PDE4B: variants seen among roughly 807,000 people sequenced by gnomAD.
PDE4B encodes 3',5'-cyclic-AMP phosphodiesterase 4B.
PDE4B carries 20 observed loss-of-function variants against 82.2 expected under a neutral mutation model. The observed-to-expected ratio is 0.24, with a 90% CI of 0.17 to 0.35. The LOEUF (loss-of-function observed/expected upper bound fraction) is 0.35. PDE4B is among the 10% of genes least tolerant of loss of function. The probability of loss-of-function intolerance (pLI) is 1.00; values close to 1 mark genes in which losing one functional copy is unlikely to be tolerated. For missense variants in PDE4B, 655 were observed against 907.2 expected, an observed-to-expected ratio of 0.72 and a Z score of 3.57; for synonymous variants, 320 against 318.9, an observed-to-expected ratio of 1.00 and a Z score of -0.04.
intron 1 of PDE4B, among the ~76,000 whole-genome samples, chr1:65,878,395 G>A (rs935333684): frequency 4.6e-5 from 7 of 152,150 alleles, no homozygotes; most frequent in Non-Finnish European, 7.3e-5. Flanking sequence ...GTACCCAAAG[G>A]ATTATATATC....
At chr1:66,198,037 C>G (rs1472718413) in intron 3 of PDE4B, among the ~76,000 whole-genome samples, 1 of 152,110 alleles carries the variant, frequency 6.6e-6, no homozygotes, top group Non-Finnish European at 1.5e-5. Flanking sequence ...TCCATGACTG[C>G]TACAAGTAAG....
At position 66,188,799 on chromosome 1, in the gene PDE4B, C is replaced by G. The variant is rs188090060; in HGVS notation, c.282-58661C>G. Among the ~76,000 whole-genome samples, 584 of 152,138 alleles carry G rather than the reference C, an allele frequency of 3.8e-3. 2 individuals are homozygous for G. Among genetic ancestry groups the G allele is most frequent in the African/African-American group, 0.013 (548 of 41,514 alleles). ...TTGACTGTTTATCCAATTTGCCAGT[C>G]TGTGTCTTTTAATTGGAGCATTTAG... On this transcript the variant is annotated intron_variant, in intron 3 of 16. Coordinates refer to ENST00000341517, the MANE Select transcript of PDE4B (RefSeq NM_002600.4).
chr1:66,147,895 G>C (rs1646307775), intron 3 of PDE4B, among the ~76,000 whole-genome samples: 2 of 152,140 alleles, frequency 1.3e-5, no homozygotes, highest in Admixed American at 1.3e-4. Context: ...ACCCTACCAA[G>C]TCTTGCAAAA....
rs7555916 is a variant in PDE4B at position 66,314,806 on chromosome 1, C to T, written c.635-17702C>T. On this transcript the variant is annotated intron_variant, in intron 7 of 16. Coordinates refer to ENST00000341517, the MANE Select transcript of PDE4B (RefSeq NM_002600.4). ...GCCATGCCATTCCGCGTATGGTTAC[C>T]GTTGCCTGGCTTGTAATTCAGCTTA... Among the ~76,000 whole-genome samples, 820 of 152,300 alleles carry T rather than the reference C, an allele frequency of 5.4e-3. 4 individuals are homozygous for T. Among genetic ancestry groups the T allele is most frequent in the African/African-American group, 0.018 (752 of 41,574 alleles).
chr1:65,886,057 A>C lies in PDE4B; in HGVS notation c.-70-27188A>C, dbSNP rs1646772151. ...CTGGATTTCAGAGAGTTAGTATGAAAAAAGGAACATAAAATATCTCATCAT... is the reference window on the plus strand; with the variant it reads ...CTGGATTTCAGAGAGTTAGTATGAACAAAGGAACATAAAATATCTCATCAT... On this transcript the variant is annotated intron_variant, in intron 1 of 16. Coordinates refer to ENST00000341517, the MANE Select transcript of PDE4B (RefSeq NM_002600.4). Among the ~76,000 whole-genome samples, 2 of 151,418 alleles carry C rather than the reference A, an allele frequency of 1.3e-5. 1 individual carries two copies. Among genetic ancestry groups the C allele is most frequent in the South Asian group, 4.2e-4 (2 of 4,814 alleles).
At chr1:66,315,063 T>C (rs998237698) in intron 7 of PDE4B, among the ~76,000 whole-genome samples, 3 of 152,244 alleles carry the variant, frequency 2.0e-5, no homozygotes, top group African/African-American at 7.2e-5. Context: ...AAGTCCAGGC[T>C]CCCAGACCAC....
At chr1:65,798,655 T>A (rs1300063687) in intron 1 of PDE4B, among the ~76,000 whole-genome samples, 1 of 152,232 alleles carries the variant, frequency 6.6e-6, no homozygotes, top group African/African-American at 2.4e-5. Context: ...CACCCGGCTT[T>A]TTAAAAACAC....
At chr1:65,894,397 A>G (rs1646886421) in intron 1 of PDE4B, among the ~76,000 whole-genome samples, 1 of 152,198 alleles carries the variant, frequency 6.6e-6, no homozygotes, top group Non-Finnish European at 1.5e-5. Context: ...CAAAATGAAC[A>G]TATACATATG....
intron 1 of PDE4B, among the ~76,000 whole-genome samples, chr1:65,817,387 G>A (rs1645898523): frequency 6.6e-6 from 1 of 152,112 alleles, no homozygotes; most frequent in African/African-American, 2.4e-5. Context: ...AAAATGAAAG[G>A]ACTGAGCCTT....
intron 3 of PDE4B, among the ~76,000 whole-genome samples, chr1:66,224,008 C>A (rs2101612935): frequency 6.6e-6 from 1 of 152,224 alleles, no homozygotes; most frequent in Non-Finnish European, 1.5e-5. Flanking sequence ...TTTGAATAAC[C>A]TTTTCTTCCA....
intron 3 of PDE4B, among the ~76,000 whole-genome samples, chr1:66,087,873 TG>T (rs1553143739): frequency 2.0e-5 from 1 of 49,704 alleles, no homozygotes; most frequent in Non-Finnish European, 3.6e-5. Context: ...TGTTGTGGGG[TG>T]GGGGGAGGGG....
intron 6 of PDE4B, among the ~76,000 whole-genome samples, chr1:66,263,190 A>C (rs1401671273): frequency 1.3e-5 from 2 of 152,222 alleles, no homozygotes; most frequent in African/African-American, 4.8e-5. Flanking sequence ...TACAATATAG[A>C]ATGAGCAATG....
intron 3 of PDE4B, among the ~76,000 whole-genome samples, chr1:65,929,197 A>G (rs560377646): frequency 1.3e-5 from 2 of 152,068 alleles, no homozygotes; most frequent in East Asian, 3.9e-4. Flanking sequence ...CCTGGCAACC[A>G]CCTCAGGGGA....
chr1:66,173,251 T>C (rs1646871911), intron 3 of PDE4B, among the ~76,000 whole-genome samples: 1 of 152,134 alleles, frequency 6.6e-6, no homozygotes, highest in African/African-American at 2.4e-5. Flanking sequence ...AATGATTGCT[T>C]GTGACAACGC....
At chr1:66,325,836 G>A (rs981339166) in intron 7 of PDE4B, among the ~76,000 whole-genome samples, 7 of 152,252 alleles carry the variant, frequency 4.6e-5, no homozygotes, top group Admixed American at 4.6e-4. Context: ...GACACGTGCC[G>A]GATGCTGTAC....
intron 1 of PDE4B, among the ~76,000 whole-genome samples, chr1:65,823,383 G>C (rs1045799879): frequency 2.2e-5 from 3 of 134,684 alleles, no homozygotes; most frequent in African/African-American, 8.3e-5. Flanking sequence ...CCGACAGAGT[G>C]AGACTCCATC....
chr1:66,158,041 C>T (rs1646535721), intron 3 of PDE4B, among the ~76,000 whole-genome samples: 1 of 152,154 alleles, frequency 6.6e-6, no homozygotes, highest in Non-Finnish European at 1.5e-5. Context: ...ATGATAGAGA[C>T]ATCAGCATCA....
intron 3 of PDE4B, among the ~76,000 whole-genome samples, chr1:65,950,347 G>A (rs1288010292): frequency 6.6e-6 from 1 of 151,954 alleles, no homozygotes; most frequent in African/African-American, 2.4e-5. Context: ...CCAGCAATAG[G>A]GTTCTCATTA....
At chr1:66,231,706 G>A (rs1651963826) in intron 3 of PDE4B, among the ~76,000 whole-genome samples, 1 of 152,206 alleles carries the variant, frequency 6.6e-6, no homozygotes, top group African/African-American at 2.4e-5. Flanking sequence ...TTAAAAACAG[G>A]TGTTTAAATT....
Sources: gnomAD v4.1 joint callset for allele counts (sites outside exome capture counted in the v4.1 genomes callset) on GRCh38, gnomAD v4.1.1 for gene constraint, MANE v1.5 for transcripts, NCBI Gene and HGNC (gene_info 2026-07-23, HGNC 2026-07-21) for gene names.